Variants in TRERF1 observed in about 807,000 individuals in gnomAD.
The protein encoded by TRERF1 is transcriptional regulating factor 1.
Under a neutral mutation model 122.9 loss-of-function variants are expected in TRERF1, and 27 were observed. The observed-to-expected ratio is 0.22, with a 90% CI of 0.16 to 0.30. The LOEUF (loss-of-function observed/expected upper bound fraction) is 0.30. TRERF1 is among the 10% of genes least tolerant of loss of function. The pLI is 1.00. For synonymous variants in TRERF1, 636 were observed against 641.7 expected, an observed-to-expected ratio of 0.99 and a Z score of 0.13; for missense variants, 1,248 against 1,560.3, an observed-to-expected ratio of 0.80 and a Z score of 3.37.
chr6:42,228,108 T>C lies in TRERF1; in HGVS notation c.*237A>G. ...TGATTTCATGAGAAGGTAGCCCAGA[T>C]GAAACACCTCTTAAAGATAGTTGTG... On this transcript the variant is annotated 3_prime_UTR_variant, in exon 18 of 18. Transcript: ENST00000372922. The surrounding 1 kb of genome is among the most constrained non-coding windows in gnomAD (Gnocchi z 4.2). The C allele has an allele frequency of 2.4e-6, 1 of 415,972 alleles. No homozygotes were observed. The highest frequency in any genetic ancestry group is 4.2e-6 in the Non-Finnish European group (1 of 235,388). 25.8% of individuals were successfully genotyped at this position (415,972 alleles called of 1,614,324 possible).
intron 2 of TRERF1, among the ~76,000 whole-genome samples, chr6:42,377,546 C>T (rs1300731195): frequency 6.6e-6 from 1 of 152,248 alleles, no homozygotes; most frequent in Non-Finnish European, 1.5e-5. Flanking sequence ...GGATATAACA[C>T]ATTTCATTTA....
chr6:42,371,152 TG>T (rs777416874), intron 2 of TRERF1, among the ~76,000 whole-genome samples: 5 of 152,148 alleles, frequency 3.3e-5, no homozygotes, highest in Non-Finnish European at 7.4e-5. Flanking sequence ...AGAACAGAAC[TG>T]AGAGTTCAAA....
intron 13 of TRERF1, among the ~76,000 whole-genome samples, chr6:42,251,048 G>A (rs1382129424): frequency 7.2e-6 from 1 of 138,068 alleles, no homozygotes; most frequent in African/African-American, 2.8e-5. Context: ...CCAGGTTGGA[G>A]TGCAGTGGCG....
intron 4 of TRERF1, among the ~76,000 whole-genome samples, chr6:42,270,469 A>G (rs1221740847): frequency 6.6e-6 from 1 of 152,240 alleles, no homozygotes; most frequent in Non-Finnish European, 1.5e-5. Flanking sequence ...GAAGTTTAAG[A>G]TATGCATTAA....
chr6:42,281,275 C>T (rs999038049), intron 4 of TRERF1, among the ~76,000 whole-genome samples: 3 of 152,148 alleles, frequency 2.0e-5, no homozygotes, highest in African/African-American at 7.2e-5. Flanking sequence ...GGCCCCGGAG[C>T]CTGGGCTGCA....
chr6:42,411,052 T>A (rs538490826), intron 2 of TRERF1, among the ~76,000 whole-genome samples: 1 of 152,182 alleles, frequency 6.6e-6, no homozygotes, highest in Non-Finnish European at 1.5e-5. Flanking sequence ...AAATTATGAA[T>A]AGTCCCAACA....
rs372330127 is a variant in TRERF1 at position 42,391,927 on chromosome 6, G to C, written c.-453-28848C>G. 2.6e-5 allele frequency among the ~76,000 whole-genome samples: 4 copies of C among 152,274 alleles called. No individual in the cohort carries two copies. The South Asian group carries it at 6.2e-4, about 24-fold the overall frequency. ...TGTGATGAAGGCCTGTATGTGCCAG[G>C]TGCTTGGCCAGGGTCAGGCTGGGCT... On this transcript the variant is annotated intron_variant, in intron 2 of 17. Transcript: ENST00000372922.
chr6:42,232,709 T>C lies in TRERF1; in HGVS notation c.3250A>G (p.Thr1084Ala). ...CCACACTCCTTGCAGGGGAAGATGG[T>C]GGTGGGGTCTGTCTCGCCGCTGGTG... Residue 1084 changes from threonine (T) to alanine (A), a missense_variant, in exon 17 of 18, where the codon ACC (threonine) becomes GCC (alanine). By Grantham distance (58) the Thr-to-Ala change is moderately conservative. Around this residue, in one of 5 missense-constraint regions of TRERF1, gnomAD observed 159 missense variants for 221.7 expected, o/e 0.72. Coordinates refer to ENST00000372922, the Ensembl canonical transcript of TRERF1. The surrounding 1 kb of genome is among the most constrained non-coding windows in gnomAD (Gnocchi z 4.5). 1 of 1,605,104 alleles carries C rather than the reference T, an allele frequency of 6.2e-7. No individual in the cohort carries two copies.
intron 13 of TRERF1, among the ~76,000 whole-genome samples, chr6:42,253,099 T>C (rs1269595882): frequency 1.3e-5 from 2 of 152,196 alleles, no homozygotes; most frequent in South Asian, 2.1e-4. Context: ...TTCAAAGTTT[T>C]TGGTAATATT....
At chr6:42,415,158 G>A (rs1397412171) in intron 2 of TRERF1, among the ~76,000 whole-genome samples, 1 of 151,790 alleles carries the variant, frequency 6.6e-6, no homozygotes, top group Non-Finnish European at 1.5e-5. Flanking sequence ...GAGGGTTGTG[G>A]GTCTTTTCAT....
At chr6:42,310,032 G>C (rs1219176032) in intron 3 of TRERF1, among the ~76,000 whole-genome samples, 1 of 152,020 alleles carries the variant, frequency 6.6e-6, no homozygotes, top group African/African-American at 2.4e-5. Flanking sequence ...CAAAGTGCTG[G>C]GATTACAAGC....
At chr6:42,441,109 GT>G (rs1786433873) in intron 2 of TRERF1, among the ~76,000 whole-genome samples, 1 of 152,036 alleles carries the variant, frequency 6.6e-6, no homozygotes, top group Non-Finnish European at 1.5e-5. Flanking sequence ...AGTAAATGCT[GT>G]TCCCTCTGCA....
intron 4 of TRERF1, among the ~76,000 whole-genome samples, chr6:42,297,296 G>T (rs115364783): frequency 1.4e-4 from 21 of 152,304 alleles, no homozygotes; most frequent in Non-Finnish European, 2.6e-4. Flanking sequence ...TATAAAGACT[G>T]AATACACATT....
intron 3 of TRERF1, among the ~76,000 whole-genome samples, chr6:42,315,291 G>C (rs1470087431): frequency 1.3e-5 from 2 of 152,216 alleles, no homozygotes; most frequent in Non-Finnish European, 2.9e-5. Flanking sequence ...TCCCTTTCAA[G>C]ACAGAATTCA....
At position 42,257,121 on chromosome 6, in the gene TRERF1, A is replaced by C. The variant is rs758479179; in HGVS notation, c.2337-19T>G. On this transcript the variant is annotated intron_variant, in intron 10 of 17. Transcript: ENST00000372922. ...GATGCGTCTTTAAATGACAAGAAGA[A>C]AAACAACAATGTGGTCTTCAATTTG... is the stretch of plus-strand genomic sequence containing the variant. The C allele has an allele frequency of 6.2e-7, 1 of 1,613,478 alleles. No individual in the cohort carries two copies. Among genetic ancestry groups the C allele is most frequent in the Non-Finnish European group, 8.5e-7 (1 of 1,179,754 alleles).
intron 4 of TRERF1, among the ~76,000 whole-genome samples, chr6:42,284,843 T>C (rs1455893086): frequency 6.6e-6 from 1 of 152,158 alleles, no homozygotes; most frequent in Non-Finnish European, 1.5e-5. Context: ...TGCATTCAAA[T>C]GTCAGGTAAG....
chr6:42,285,241 G>A (rs1006622068), intron 4 of TRERF1, among the ~76,000 whole-genome samples: 3 of 151,972 alleles, frequency 2.0e-5, no homozygotes, highest in Non-Finnish European at 2.9e-5. Context: ...TCTCTTTGAA[G>A]CAATTCTGAA....
chr6:42,383,226 G>A (rs1378552924), intron 2 of TRERF1, among the ~76,000 whole-genome samples: 1 of 152,038 alleles, frequency 6.6e-6, no homozygotes, highest in Non-Finnish European at 1.5e-5. Context: ...GTGAGACCTT[G>A]TCTTGAAAAA....
chr6:42,356,924 C>T (rs1031190237), intron 3 of TRERF1, among the ~76,000 whole-genome samples: 2 of 152,090 alleles, frequency 1.3e-5, no homozygotes, highest in Non-Finnish European at 2.9e-5. Flanking sequence ...GTTATGGCAG[C>T]CTGAGCTAAG....
Sources: allele counts gnomAD v4.1 joint callset (sites outside exome capture counted in the v4.1 genomes callset), GRCh38; gene constraint gnomAD v4.1.1; regional missense constraint gnomAD v4.1.1; non-coding constraint Gnocchi (gnomAD v3.1); transcripts MANE v1.5; gene names NCBI Gene and HGNC (gene_info 2026-07-23, HGNC 2026-07-21).